The following NAIP variants were observed in gnomAD, a reference collection of about 807,000 sequenced individuals.
The protein encoded by NAIP is NLR family apoptosis inhibitory protein.
Under a neutral mutation model 23.0 loss-of-function variants are expected in NAIP, and 15 were observed. The ratio of observed to expected loss-of-function variants is 0.65; its 90% CI spans 0.44 to 1.00. The LOEUF (loss-of-function observed/expected upper bound fraction) is 1.00, where lower values mean the gene tolerates loss of function less well. NAIP is among the 50% of genes least tolerant of loss of function. NAIP has a pLI of 0.00. For synonymous variants in NAIP, 100 were observed against 100.2 expected (o/e 1.00, Z 0.01); for missense variants, 265 against 278.8 (o/e 0.95, Z 0.35).
At position 71,011,397 on chromosome 5, in the gene NAIP, A is replaced by G. The variant is rs761328273; in HGVS notation, c.569-23T>C. 15 of 1,555,598 alleles carry G rather than the reference A, an allele frequency of 9.6e-6. No individual in the cohort carries two copies. The African/African-American group carries it at 1.2e-4, about 13-fold the overall frequency. Reference sequence around the variant, plus strand: ...TACCTATATATGAAGGAAAATATTTAGATTGCCTGGCAGTGGCACCAGGGG... The same window carrying G: ...TACCTATATATGAAGGAAAATATTTGGATTGCCTGGCAGTGGCACCAGGGG... On this transcript the variant is annotated intron_variant, in intron 4 of 16. Coordinates refer to ENST00000517649, the MANE Select transcript of NAIP (RefSeq NM_004536.3).
At chr5:71,011,250 A>G in intron 5 of NAIP, 25 bp downstream of exon 5, 1 of 1,546,776 alleles carries the variant, frequency 6.5e-7, no homozygotes, top group South Asian at 1.2e-5. Context: ...AGAAAGAAAC[A>G]TTTAAGCAAA....
intron 3 of NAIP, among the ~76,000 whole-genome samples, chr5:71,017,975 C>T (rs1195409611): frequency 2.3e-5 from 3 of 131,450 alleles, no homozygotes; most frequent in Non-Finnish European, 3.3e-5. Context: ...CCTCTTGCCT[C>T]AGCCTCTCAA....
chr5:71,011,519 T>TCCCACCACCCAAAATGGGC (rs1223924041), intron 4 of NAIP, 145 bp from the exon 5 acceptor site: 1 of 699,378 alleles, frequency 1.4e-6, no homozygotes, highest in Non-Finnish European at 2.4e-6. Context: ...CCATCCTCAA[T>TCCCACCACCCAAAATGGGC]CCCACCACCC....
intron 5 of NAIP, among the ~76,000 whole-genome samples, chr5:71,009,952 C>T (rs923196323): frequency 2.6e-5 from 4 of 151,304 alleles, no homozygotes; most frequent in African/African-American, 9.7e-5. Context: ...AACTAAAGAC[C>T]ACTGCAGTAA....
Position 71,012,472 on chromosome 5 carries a change from C to A in NAIP, c.444G>T (p.Arg148Ser). ...GGTACCTCATTTTACCTCCTCTCAG[C>A]CTGCTCTTCAGATTCTTCACCCTTA... is the stretch of plus-strand genomic sequence containing the variant. ...YDIRVKNLKS[R>S]LRGGKMRYQE... Residue 148 changes from arginine (R) to serine (S), a missense_variant, in exon 4 of 17, where the codon AGG (arginine) becomes AGT (serine). This residue lies in a region of NAIP where 261 missense variants were observed against 259.2 expected (regional missense o/e 1.01). Coordinates refer to ENST00000517649, the MANE Select transcript of NAIP (RefSeq NM_004536.3). 1 of 1,611,722 alleles carries A rather than the reference C, an allele frequency of 6.2e-7. No individual in the cohort carries two copies.
intron 13 of NAIP, among the ~76,000 whole-genome samples, chr5:70,979,596 T>C (rs866880929): frequency 1.2e-5 from 1 of 86,312 alleles, no homozygotes; most frequent in Non-Finnish European, 2.2e-5. Flanking sequence ...ATAATAATAA[T>C]AATAATAATA....
intron 5 of NAIP, 86 bp downstream of exon 5, chr5:71,011,189 T>A: frequency 2.0e-6 from 2 of 996,540 alleles, no homozygotes; most frequent in Non-Finnish European, 2.9e-6. Flanking sequence ...GCTGAAGTCA[T>A]GCCACTATAC....
At chr5:71,010,569 T>A (rs536343273) in intron 5 of NAIP, among the ~76,000 whole-genome samples, 1 of 150,698 alleles carries the variant, frequency 6.6e-6, no homozygotes, top group Non-Finnish European at 1.5e-5. Flanking sequence ...GCCTGGCCAA[T>A]TTTTTTTATT....
intron 3 of NAIP, among the ~76,000 whole-genome samples, chr5:71,013,137 G>C (rs868761078): frequency 6.6e-6 from 1 of 151,336 alleles, no homozygotes; most frequent in Non-Finnish European, 1.5e-5. Flanking sequence ...CTAGACATTG[G>C]GGATCTAGCA....
At chr5:71,009,480 C>T (rs1402222618) in intron 5 of NAIP, among the ~76,000 whole-genome samples, 1 of 151,088 alleles carries the variant, frequency 6.6e-6, no homozygotes, top group Non-Finnish European at 1.5e-5. Flanking sequence ...CACTTGAGGC[C>T]AGGAATTTCA....
intron 13 of NAIP, among the ~76,000 whole-genome samples, chr5:70,979,612 A>T: frequency 8.7e-6 from 1 of 114,612 alleles, no homozygotes. Flanking sequence ...TAATAATAAT[A>T]GTACTTCATA....
chr5:71,015,958 TAATTC>T (rs1323792627), intron 3 of NAIP, among the ~76,000 whole-genome samples: 1 of 128,806 alleles, frequency 7.8e-6, no homozygotes, highest in Non-Finnish European at 1.7e-5. Flanking sequence ...GAAAGAAATA[TAATTC>T]ACACATCATA....
intron 16 of NAIP, among the ~76,000 whole-genome samples, chr5:70,973,077 T>A (rs1339497620): frequency 2.6e-5 from 4 of 151,826 alleles, no homozygotes; most frequent in African/African-American, 9.7e-5. Context: ...ATTTTTTGTA[T>A]TTTTAGTAGA....
intron 3 of NAIP, among the ~76,000 whole-genome samples, chr5:71,014,056 T>C (rs1003261602): frequency 6.6e-6 from 1 of 151,318 alleles, no homozygotes; most frequent in South Asian, 2.1e-4. Context: ...AACTTAATTT[T>C]GGTTGTTTGG....
chr5:71,008,889 T>C (rs1198005243), intron 5 of NAIP, among the ~76,000 whole-genome samples: 1 of 129,608 alleles, frequency 7.7e-6, no homozygotes, highest in Non-Finnish European at 1.6e-5. Context: ...TTCCTGGAAA[T>C]GCAGAAGGTA....
At chr5:70,989,685 AAC>A (rs1229413594) in intron 9 of NAIP, among the ~76,000 whole-genome samples, 4 of 7,744 alleles carry the variant, frequency 5.2e-4, no homozygotes, top group South Asian at 6.1e-3. Flanking sequence ...ATGCTTGAAG[AAC>A]AAGAGAGAAA....
At chr5:71,012,102 C>G (rs1751187419) in intron 4 of NAIP, among the ~76,000 whole-genome samples, 1 of 151,388 alleles carries the variant, frequency 6.6e-6, no homozygotes, top group African/African-American at 2.4e-5. Context: ...TTTCTAAGGT[C>G]CAAGTTTAAG....
chr5:71,017,353 C>T (rs1158851049), intron 3 of NAIP, among the ~76,000 whole-genome samples: 1 of 87,308 alleles, frequency 1.1e-5, no homozygotes, highest in Non-Finnish European at 2.6e-5. Context: ...CCACCCTTTT[C>T]TTTACATCAC....
At chr5:71,011,102 G>A (rs935847778) in intron 5 of NAIP, among the ~76,000 whole-genome samples, 173 bp downstream of exon 5, 3 of 150,868 alleles carry the variant, frequency 2.0e-5, no homozygotes, top group Non-Finnish European at 3.0e-5. Context: ...TCTTGGTGGT[G>A]CACACCTATA....
Sources: gnomAD v4.1 joint callset for allele counts (sites outside exome capture counted in the v4.1 genomes callset) on GRCh38, gnomAD v4.1.1 for gene constraint, gnomAD v4.1.1 regional missense constraint, MANE v1.5 for transcripts, NCBI Gene and HGNC (gene_info 2026-07-23, HGNC 2026-07-21) for gene names.